The following ULK4 variants were observed in gnomAD, a reference collection of about 807,000 sequenced individuals.
ULK4 encodes the protein unc-51 like kinase 4.
A neutral mutation model predicts 160.6 loss-of-function variants in ULK4; 133 were observed. The ratio of observed to expected loss-of-function variants is 0.83; its 90% CI spans 0.72 to 0.96. The LOEUF (loss-of-function observed/expected upper bound fraction) is 0.96. ULK4 is among the 40% of genes least tolerant of loss of function. The pLI is 0.00. For missense variants in ULK4, 1,580 were observed against 1,499.5 expected (o/e 1.05, Z -0.89); for synonymous variants, 534 against 539.8 (o/e 0.99, Z 0.15).
chr3:41,750,257 C>A (rs974752827), intron 22 of ULK4, among the ~76,000 whole-genome samples: 24 of 152,332 alleles, frequency 1.6e-4, no homozygotes, highest in Admixed American at 1.2e-3. Context: ...TAACAACATT[C>A]ATCTGCTTTA....
chr3:41,559,211 C>A (rs1489231727), intron 32 of ULK4, among the ~76,000 whole-genome samples: 7 of 141,410 alleles, frequency 5.0e-5, no homozygotes, highest in East Asian at 2.1e-4. Context: ...CGAACTCATC[C>A]TTTTTTATGG....
chr3:41,696,715 T>C (rs765394180), intron 27 of ULK4, among the ~76,000 whole-genome samples: 11 of 150,096 alleles, frequency 7.3e-5, no homozygotes, highest in Non-Finnish European at 1.3e-4. Context: ...GTTATTTACA[T>C]AGCAAAAGGG....
chr3:41,403,313 T>C (rs1411839724), intron 34 of ULK4, among the ~76,000 whole-genome samples: 1 of 152,190 alleles, frequency 6.6e-6, no homozygotes, highest in Admixed American at 6.5e-5. Flanking sequence ...CAAGTGTTCA[T>C]GTTGGTTGAG....
chr3:41,351,857 T>C (rs941338560), intron 35 of ULK4, among the ~76,000 whole-genome samples: 1 of 152,218 alleles, frequency 6.6e-6, no homozygotes, highest in Admixed American at 6.5e-5. Flanking sequence ...ACCTTCCCCC[T>C]GTCTAGGTCA....
At chr3:41,300,472 C>T (rs1238673182) in intron 35 of ULK4, among the ~76,000 whole-genome samples, 2 of 152,122 alleles carry the variant, frequency 1.3e-5, no homozygotes, top group Non-Finnish European at 2.9e-5. Flanking sequence ...ATAACAATAA[C>T]TTGAAAGCAA....
rs1559610761 is a variant in ULK4, at chr3:41,856,515, AT to A, written c.1657-20545del. Among the ~76,000 whole-genome samples, 232 of 106,130 alleles carry A rather than the reference AT, an allele frequency of 2.2e-3. 1 individual carries two copies. The highest frequency in any genetic ancestry group is 0.016 in the African/African-American group (223 of 13,620). 69.6% of individuals were successfully genotyped at this position (106,130 alleles called of 152,430 possible). ...CACATTAATAAATAAATAAATAAAT[AT>A]ATATATATATATATATGTATGTATA... On this transcript the variant is annotated intron_variant, in intron 17 of 36. Coordinates refer to ENST00000301831, the MANE Select transcript of ULK4 (RefSeq NM_017886.4).
At chr3:41,430,083 T>TAGGTAAAGTATAG (rs1373151233) in intron 34 of ULK4, among the ~76,000 whole-genome samples, 2 of 152,090 alleles carry the variant, frequency 1.3e-5, no homozygotes, top group Non-Finnish European at 1.5e-5. Context: ...ATATACTAAA[T>TAGGTAAAGTATAG]GAAAACAAAT....
chr3:41,378,388 A>G (rs1257248355), intron 35 of ULK4, among the ~76,000 whole-genome samples: 1 of 151,176 alleles, frequency 6.6e-6, no homozygotes, highest in Non-Finnish European at 1.5e-5. Context: ...AAAAGAAAAA[A>G]AGAATAAATA....
intron 30 of ULK4, among the ~76,000 whole-genome samples, chr3:41,655,374 T>C (rs1168366987): frequency 1.0e-5 from 1 of 98,062 alleles, no homozygotes; most frequent in Non-Finnish European, 2.0e-5. Context: ...CCGGGGACTG[T>C]TGTGGGGTGG....
intron 35 of ULK4, among the ~76,000 whole-genome samples, chr3:41,308,924 A>G (rs559505767): frequency 6.4e-4 from 98 of 152,334 alleles, no homozygotes; most frequent in African/African-American, 2.3e-3. Context: ...ATGTATAAGA[A>G]GAGGGTAGAA....
At chr3:41,824,284 G>A (rs1214394546) in intron 18 of ULK4, among the ~76,000 whole-genome samples, 1 of 152,056 alleles carries the variant, frequency 6.6e-6, no homozygotes, top group South Asian at 2.1e-4. Flanking sequence ...TGAGGTACCA[G>A]GTTCATCTCA....
At chr3:41,898,371 T>G (rs759627262) in intron 14 of ULK4, 61 bp downstream of exon 14, 1 of 1,041,126 alleles carries the variant, frequency 9.6e-7, no homozygotes, top group Non-Finnish European at 1.4e-6. Flanking sequence ...TGCAAATAAA[T>G]TTCATATTTG....
At chr3:41,548,973 G>A (rs4973963) in intron 32 of ULK4, among the ~76,000 whole-genome samples, 77,599 of 151,860 alleles carry the variant, frequency 0.51, 19,927 homozygotes, top group Middle Eastern at 0.58. Context: ...ATACTACACT[G>A]CTGCATGAAC....
At chr3:41,408,542 G>T (rs971576414) in intron 34 of ULK4, among the ~76,000 whole-genome samples, 1 of 151,234 alleles carries the variant, frequency 6.6e-6, no homozygotes, top group African/African-American at 2.4e-5. Context: ...ACTCAAAATC[G>T]ATCTATAGAT....
chr3:41,635,796 A>G (rs1359214573), intron 30 of ULK4, among the ~76,000 whole-genome samples: 3 of 152,234 alleles, frequency 2.0e-5, no homozygotes, highest in Non-Finnish European at 4.4e-5. Flanking sequence ...TAGAACGGAT[A>G]TCTACTTAAG....
In ULK4 at chr3:41,896,917, T is replaced by C. The variant is rs1183364483; in HGVS notation, c.1435A>G (p.Met479Val). The C allele has an allele frequency of 3.1e-6, 5 of 1,613,426 alleles. No individual in the cohort carries two copies. Among genetic ancestry groups the C allele is most frequent in the South Asian group, 1.1e-5 (1 of 91,074 alleles). ...CSQIDSTEKS[M>V]GASRAKLNLL... ...TTCAGCTTGGCTCGGGAGGCCCCCA[T>C]GCTCTTCTCAGTGGAGTCGATCTGC... is the stretch of plus-strand genomic sequence containing the variant. The change falls in exon 15 of 37, where the codon ATG becomes GTG. Residue 479 changes from methionine to valine, a missense_variant. Physicochemically the swap from Met to Val is conservative, Grantham distance 21. Coordinates refer to ENST00000301831, the MANE Select transcript of ULK4 (RefSeq NM_017886.4).
chr3:41,539,949 A>AT (rs2086637082), intron 32 of ULK4, among the ~76,000 whole-genome samples: 1 of 152,188 alleles, frequency 6.6e-6, no homozygotes. Context: ...TCTTAAAGGC[A>AT]TTGTTCCACA....
intron 33 of ULK4, among the ~76,000 whole-genome samples, chr3:41,460,705 C>G (rs1261387610): frequency 6.6e-6 from 1 of 152,108 alleles, no homozygotes. Context: ...AAAGGAAGCA[C>G]CTTTCTTCTT....
At chr3:41,945,822 A>G (rs1413481501) in intron 2 of ULK4, among the ~76,000 whole-genome samples, 2 of 152,278 alleles carry the variant, frequency 1.3e-5, no homozygotes, top group Admixed American at 1.3e-4. Context: ...CCTCAGTGTT[A>G]TCACCATCCT....
Sources: allele counts gnomAD v4.1 joint callset (sites outside exome capture counted in the v4.1 genomes callset), GRCh38; gene constraint gnomAD v4.1.1; transcripts MANE v1.5; gene names NCBI Gene and HGNC (gene_info 2026-07-23, HGNC 2026-07-21).